FHIT: variants seen among roughly 807,000 people sequenced by gnomAD.
FHIT encodes the protein fragile histidine triad diadenosine triphosphatase.
FHIT carries 19 observed loss-of-function variants against 17.9 expected under a neutral mutation model. That is an observed-to-expected ratio of 1.06 (90% CI 0.74 to 1.56). FHIT has a LOEUF of 1.56. FHIT is among the 40% of genes most tolerant of loss of function. The probability of loss-of-function intolerance (pLI) is 0.00; values close to 1 mark genes in which losing one functional copy is unlikely to be tolerated. For synonymous variants in FHIT, 81 were observed against 69.7 expected, an observed-to-expected ratio of 1.16 and a Z score of -0.81; for missense variants, 248 against 189.2, an observed-to-expected ratio of 1.31 and a Z score of -1.82.
Position 59,768,533 on chromosome 3 carries a change from C to T in FHIT, c.349-16212G>A, listed in dbSNP as rs574709049. On this transcript the variant is annotated intron_variant, in intron 8 of 9. Coordinates refer to ENST00000492590, the MANE Select transcript of FHIT (RefSeq NM_002012.4). The stretch of plus-strand genomic sequence containing the variant: ...CATTTCAGGACACTTATTGTACATG[C>T]CTTCTAATTTATCTTCCACTCTATA... Among the ~76,000 whole-genome samples the T allele has an allele frequency of 2.6e-5, 4 of 152,284 alleles. No homozygotes were observed. The South Asian group carries it at 8.3e-4, about 32-fold the overall frequency.
At chr3:61,033,018 T>C (rs1038296564) in intron 3 of FHIT, among the ~76,000 whole-genome samples, 1 of 152,212 alleles carries the variant, frequency 6.6e-6, no homozygotes, top group East Asian at 1.9e-4. Flanking sequence ...ACAGAGACAG[T>C]GAATTTGCCA....
intron 8 of FHIT, among the ~76,000 whole-genome samples, chr3:59,914,952 G>A (rs913642538): frequency 5.3e-5 from 8 of 152,132 alleles, no homozygotes; most frequent in South Asian, 2.1e-4. Flanking sequence ...AATTTTAAGT[G>A]ACTGTTTATT....
chr3:60,489,940 T>C (rs1228044078), intron 5 of FHIT, among the ~76,000 whole-genome samples: 2 of 152,142 alleles, frequency 1.3e-5, no homozygotes, highest in African/African-American at 2.4e-5. Context: ...TGTTATAAAC[T>C]GTACCTCAGT....
chr3:59,921,606 T>C (rs1705407960), intron 8 of FHIT, among the ~76,000 whole-genome samples: 1 of 152,162 alleles, frequency 6.6e-6, no homozygotes, highest in African/African-American at 2.4e-5. Context: ...CTCTACCGTG[T>C]GGGGGACATA....
chr3:60,007,203 T>G (rs114739542), intron 7 of FHIT, among the ~76,000 whole-genome samples: 1 of 152,248 alleles, frequency 6.6e-6, no homozygotes, highest in African/African-American at 2.4e-5. Context: ...TTCTAAAAGA[T>G]AGCTCACATT....
intron 5 of FHIT, among the ~76,000 whole-genome samples, chr3:60,014,862 T>C (rs146510572): frequency 1.2e-3 from 187 of 152,294 alleles, no homozygotes; most frequent in African/African-American, 3.7e-3. Flanking sequence ...TTCTACAAGT[T>C]AGACAAGGCA....
chr3:59,754,744 T>G (rs1701114644), intron 8 of FHIT, among the ~76,000 whole-genome samples: 1 of 152,194 alleles, frequency 6.6e-6, no homozygotes, highest in Admixed American at 6.6e-5. Flanking sequence ...GTGCCAATCC[T>G]TAGAAGAAGT....
rs565393817 is a variant in FHIT, at chr3:60,665,079, G to C, written c.-17-128100C>G. Among the ~76,000 whole-genome samples, 32 of 152,014 alleles carry C rather than the reference G, an allele frequency of 2.1e-4. No homozygotes were observed. The South Asian group carries it at 4.8e-3, about 23-fold the overall frequency. On this transcript the variant is annotated intron_variant, in intron 4 of 9. Transcript: ENST00000492590. Reference sequence around the variant, plus strand: ...CCTTTAAAGACTTACTCTTTGACCTGTTGATAACTTAGAAGTGTGTTATAA... The same window carrying C: ...CCTTTAAAGACTTACTCTTTGACCTCTTGATAACTTAGAAGTGTGTTATAA...
intron 5 of FHIT, among the ~76,000 whole-genome samples, chr3:60,154,049 A>G (rs1480136205): frequency 1.3e-5 from 2 of 152,238 alleles, no homozygotes; most frequent in African/African-American, 4.8e-5. Flanking sequence ...TAACGAAGGC[A>G]CCTTCTTTGT....
rs534725500 is a variant in FHIT, at chr3:60,858,158, G to C, written c.-110-36147C>G. 2.0e-5 allele frequency among the ~76,000 whole-genome samples: 3 copies of C among 152,264 alleles called. No individual in the cohort carries two copies. The South Asian group carries it at 6.2e-4, about 32-fold the overall frequency. On this transcript the variant is annotated intron_variant, in intron 3 of 9. Transcript: ENST00000492590. ...TGTGTATGCAATGAACACTTAATGA[G>C]TACTTAAAGATCTAACCAGTATGAT...
chr3:60,265,689 A>G (rs1457567175), intron 5 of FHIT, among the ~76,000 whole-genome samples: 1 of 152,018 alleles, frequency 6.6e-6, no homozygotes, highest in Non-Finnish European at 1.5e-5. Flanking sequence ...CTGAGAAGGG[A>G]CTTGTATCTA....
intron 3 of FHIT, among the ~76,000 whole-genome samples, chr3:60,904,742 C>A (rs978968160): frequency 2.0e-5 from 3 of 151,824 alleles, no homozygotes; most frequent in Non-Finnish European, 4.4e-5. Flanking sequence ...GAGTTCAAGA[C>A]CAGCCTGGCC....
chr3:59,980,693 C>T (rs1708615397), intron 7 of FHIT, among the ~76,000 whole-genome samples: 1 of 152,174 alleles, frequency 6.6e-6, no homozygotes, highest in African/African-American at 2.4e-5. Flanking sequence ...TGCCTCATCC[C>T]TTCCACCATG....
intron 5 of FHIT, among the ~76,000 whole-genome samples, chr3:60,211,556 T>G (rs1337411545): frequency 6.6e-6 from 1 of 152,218 alleles, no homozygotes; most frequent in South Asian, 2.1e-4. Flanking sequence ...GAGGTGCTAT[T>G]TCTAGCGATT....
Position 60,094,404 on chromosome 3 carries a change from A to G in FHIT, c.104-80252T>C, listed in dbSNP as rs2107110374. Reference sequence around the variant, plus strand: ...TTATGAAACTCACAGTTTTAGTGACAGGGCCCAACCGGCACCTATTTTTGT... The same window carrying G: ...TTATGAAACTCACAGTTTTAGTGACGGGGCCCAACCGGCACCTATTTTTGT... On this transcript the variant is annotated intron_variant, in intron 5 of 9. Transcript: ENST00000492590. Among the ~76,000 whole-genome samples, 2 of 151,204 alleles carry G rather than the reference A, an allele frequency of 1.3e-5. 1 individual carries two copies. Among genetic ancestry groups the G allele is most frequent in the Middle Eastern group, 6.8e-3 (2 of 292 alleles).
intron 1 of FHIT, among the ~76,000 whole-genome samples, chr3:61,223,063 A>G (rs1183695914): frequency 6.6e-6 from 1 of 152,194 alleles, no homozygotes. Context: ...GCCCTTATCC[A>G]CAGGCCTATT....
chr3:60,877,599 C>G (rs147495042), intron 3 of FHIT, among the ~76,000 whole-genome samples: 87 of 152,306 alleles, frequency 5.7e-4, no homozygotes, highest in Non-Finnish European at 1.0e-3. Context: ...CCACACAGAA[C>G]AGTCATGCCT....
intron 5 of FHIT, among the ~76,000 whole-genome samples, chr3:60,066,937 C>T (rs1378769218): frequency 1.3e-5 from 2 of 152,030 alleles, no homozygotes; most frequent in Non-Finnish European, 2.9e-5. Context: ...AGCCACTGCG[C>T]CTGACAGACA....
chr3:60,719,978 A>G (rs971415192), intron 4 of FHIT, among the ~76,000 whole-genome samples: 2 of 152,176 alleles, frequency 1.3e-5, no homozygotes, highest in African/African-American at 4.8e-5. Flanking sequence ...GCAACCAGAG[A>G]GATCTCCCAG....
Sources: allele counts gnomAD v4.1 joint callset (sites outside exome capture counted in the v4.1 genomes callset), GRCh38; gene constraint gnomAD v4.1.1; transcripts MANE v1.5; gene names NCBI Gene and HGNC (gene_info 2026-07-23, HGNC 2026-07-21).